The following RAP1A variants were observed in gnomAD, a reference collection of about 807,000 sequenced individuals.
The protein encoded by RAP1A is ras-related protein Rap-1A.
In RAP1A, 6 loss-of-function variants were observed where a neutral mutation model predicts 26.4. The ratio of observed to expected loss-of-function variants is 0.23; its 90% CI spans 0.12 to 0.45. RAP1A has a LOEUF of 0.45. Among genes scored for constraint, RAP1A ranks in the 20% least tolerant of loss-of-function variants. The pLI is 0.99. For missense variants in RAP1A, 121 were observed against 217.2 expected (o/e 0.56, Z 2.78); for synonymous variants, 73 against 79.4 (o/e 0.92, Z 0.43).
intron 1 of RAP1A, among the ~76,000 whole-genome samples, chr1:111,558,426 A>T (rs1657594529): frequency 6.6e-6 from 1 of 152,042 alleles, no homozygotes; most frequent in South Asian, 2.1e-4. Context: ...GGCTCAAGCA[A>T]TCCACCTGCC....
intron 1 of RAP1A, among the ~76,000 whole-genome samples, chr1:111,557,111 TAGAA>T (rs201423616): frequency 0.019 from 2,926 of 152,248 alleles, 51 homozygotes; most frequent in Non-Finnish European, 0.025. Flanking sequence ...TAAGACTAGT[TAGAA>T]AGATATTACC....
At chr1:111,695,296 A>C in intron 2 of RAP1A, 45 bp from the exon 3 acceptor site, 1 of 1,397,890 alleles carries the variant, frequency 7.2e-7, no homozygotes, top group South Asian at 1.3e-5. Flanking sequence ...CATTCAAAGG[A>C]GTTTTCCTTT....
intron 1 of RAP1A, among the ~76,000 whole-genome samples, chr1:111,637,031 G>A (rs1216634293): frequency 1.3e-5 from 2 of 152,146 alleles, no homozygotes; most frequent in African/African-American, 2.4e-5. Context: ...TTATGGGTCT[G>A]TGATAGGGCT....
At chr1:111,549,770 C>CT (rs1657186877) in intron 1 of RAP1A, among the ~76,000 whole-genome samples, 2 of 152,114 alleles carry the variant, frequency 1.3e-5, no homozygotes, top group Admixed American at 6.6e-5. Flanking sequence ...CACTGCAGCC[C>CT]CCCATGTATC....
intron 1 of RAP1A, among the ~76,000 whole-genome samples, chr1:111,551,240 A>G (rs1657245971): frequency 6.6e-6 from 1 of 152,160 alleles, no homozygotes; most frequent in African/African-American, 2.4e-5. Flanking sequence ...ATTTAATGTA[A>G]TTACTGAAAA....
chr1:111,644,491 C>T (rs1361595764), intron 1 of RAP1A, among the ~76,000 whole-genome samples: 1 of 152,180 alleles, frequency 6.6e-6, no homozygotes, highest in Non-Finnish European at 1.5e-5. Flanking sequence ...GTTTAGGTCA[C>T]ATGTCTCCCT....
intron 7 of RAP1A, 27 bp from the exon 8 acceptor site, chr1:111,712,404 T>C (rs1001721897): frequency 6.6e-6 from 1 of 152,536 alleles, no homozygotes; most frequent in Non-Finnish European, 1.5e-5. Context: ...ACCATACATA[T>C]ATGTATATCT....
At chr1:111,564,766 C>T (rs1157841446) in intron 1 of RAP1A, among the ~76,000 whole-genome samples, 1 of 151,612 alleles carries the variant, frequency 6.6e-6, no homozygotes, top group Non-Finnish European at 1.5e-5. Flanking sequence ...TCCGCCTCGG[C>T]CTCCCAAAGT....
chr1:111,565,652 C>A, intron 1 of RAP1A, among the ~76,000 whole-genome samples: 1 of 152,246 alleles, frequency 6.6e-6, no homozygotes, highest in South Asian at 2.1e-4. Context: ...AAATATAAAA[C>A]TGAAGCAGTG....
At chr1:111,656,814 G>A (rs1660476803) in intron 1 of RAP1A, among the ~76,000 whole-genome samples, 1 of 151,310 alleles carries the variant, frequency 6.6e-6, no homozygotes, top group Admixed American at 6.6e-5. Flanking sequence ...TTAATATGGA[G>A]AATTGTGTTG....
intron 1 of RAP1A, among the ~76,000 whole-genome samples, chr1:111,610,259 A>C (rs1410114824): frequency 6.6e-6 from 1 of 152,160 alleles, no homozygotes; most frequent in African/African-American, 2.4e-5. Context: ...CCCCTAATAC[A>C]GTCTACCCCT....
At chr1:111,704,943 G>A (rs1194561696) in intron 6 of RAP1A, among the ~76,000 whole-genome samples, 1 of 152,016 alleles carries the variant, frequency 6.6e-6, no homozygotes, top group Non-Finnish European at 1.5e-5. Context: ...ATCTGTGTGG[G>A]TATGGACATG....
Position 111,704,899 on chromosome 1 carries a change from A to G in RAP1A, c.468+413A>G, listed in dbSNP as rs889779663. ...ATCACAGAATTGTGTTCTGAGTCTT[A>G]CCTCACCTTTGGTGCATGACTCATA... On this transcript the variant is annotated intron_variant, in intron 6 of 7. Transcript: ENST00000369709. 2.0e-5 allele frequency among the ~76,000 whole-genome samples: 3 copies of G among 152,072 alleles called. No individual in the cohort carries two copies. In the East Asian group the frequency reaches 5.8e-4, roughly 29 times the overall value.
At chr1:111,650,492 C>T (rs575856444) in intron 1 of RAP1A, 1 of 152,260 alleles carries the variant, frequency 6.6e-6, no homozygotes, top group East Asian at 1.9e-4. Flanking sequence ...TGTTAATCTT[C>T]CCTATATCAT....
chr1:111,620,207 C>A (rs1659147686), intron 1 of RAP1A, among the ~76,000 whole-genome samples: 1 of 152,172 alleles, frequency 6.6e-6, no homozygotes, highest in Admixed American at 6.5e-5. Flanking sequence ...TCGGGAGGGG[C>A]CCCGGCCGGC....
chr1:111,713,416 A>G lies in RAP1A; in HGVS notation c.*1015A>G, dbSNP rs1662445105. On this transcript the variant is annotated 3_prime_UTR_variant, in exon 8 of 8. Coordinates refer to ENST00000369709, the MANE Select transcript of RAP1A (RefSeq NM_002884.4). The stretch of plus-strand genomic sequence containing the variant: ...CACTGTATATTATTTTTATATGTAA[A>G]AAGATAAGTTTAATACTGTATCAGG... 1 of 152,172 alleles carries G rather than the reference A, an allele frequency of 6.6e-6. No homozygotes were observed. The highest frequency in any genetic ancestry group is 1.5e-5 in the Non-Finnish European group (1 of 68,004). 9.4% of individuals were successfully genotyped at this position (152,172 alleles called of 1,614,324 possible).
chr1:111,579,774 A>G (rs572558833), intron 1 of RAP1A, among the ~76,000 whole-genome samples: 6 of 151,350 alleles, frequency 4.0e-5, no homozygotes, highest in African/African-American at 1.5e-4. Context: ...TTTAAAATAA[A>G]GTGTTGAATA....
In RAP1A at chr1:111,693,421, G is replaced by A. The variant is rs181180032; in HGVS notation, c.58-1920G>A. Among the ~76,000 whole-genome samples the A allele has an allele frequency of 2.9e-3, 448 of 152,140 alleles. 4 individuals are homozygous for A. Among genetic ancestry groups the A allele is most frequent in the Non-Finnish European group, 5.6e-3 (383 of 67,992 alleles). On this transcript the variant is annotated intron_variant, in intron 2 of 7. Transcript: ENST00000369709. ...AGTAAAGCATATTTGTATGCTGGGG[G>A]CAATTCCTCTCCACTGGAGAGGAAA... is the stretch of plus-strand genomic sequence containing the variant.
chr1:111,651,892 G>C (rs1468728758), intron 1 of RAP1A, among the ~76,000 whole-genome samples: 2 of 151,634 alleles, frequency 1.3e-5, no homozygotes, highest in African/African-American at 2.4e-5. Context: ...GATTACAGGC[G>C]TGAGAGACCG....
Sources: gnomAD v4.1 joint callset for allele counts (sites outside exome capture counted in the v4.1 genomes callset) on GRCh38, gnomAD v4.1.1 for gene constraint, MANE v1.5 for transcripts, NCBI Gene and HGNC (gene_info 2026-07-23, HGNC 2026-07-21) for gene names.